The following WDR19 variants were observed in gnomAD, a reference collection of about 807,000 sequenced individuals.
WDR19 encodes the protein WD repeat domain 19.
WDR19 carries 121 observed loss-of-function variants against 180.0 expected under a neutral mutation model. The observed-to-expected ratio is 0.67, with a 90% CI of 0.58 to 0.78. WDR19 has a LOEUF of 0.78. WDR19 is among the 30% of genes least tolerant of loss of function. The pLI is 0.00. For synonymous variants in WDR19, 497 were observed against 540.7 expected, an observed-to-expected ratio of 0.92 and a Z score of 1.12; for missense variants, 1,450 against 1,640.7, an observed-to-expected ratio of 0.88 and a Z score of 2.01.
chr4:39,248,611 T>C (rs1186688188), intron 24 of WDR19, among the ~76,000 whole-genome samples: 1 of 151,968 alleles, frequency 6.6e-6, no homozygotes, highest in East Asian at 1.9e-4. Flanking sequence ...GAGACCCATC[T>C]CACGTGCAGA....
chr4:39,209,130 A>C (rs561870999), intron 9 of WDR19, among the ~76,000 whole-genome samples: 12 of 152,318 alleles, frequency 7.9e-5, no homozygotes, highest in Admixed American at 5.9e-4. Context: ...ACTTCAGCAA[A>C]TTTAAATTGA....
chr4:39,276,926 C>T, intron 33 of WDR19, 94 bp from the exon 34 acceptor site: 1 of 1,500,966 alleles, frequency 6.7e-7, no homozygotes. Context: ...GTAGGTGTGT[C>T]ATATGTCCCT....
At chr4:39,269,805 G>A (rs1008847509) in intron 30 of WDR19, among the ~76,000 whole-genome samples, 171 bp from the exon 31 acceptor site, 2 of 152,040 alleles carry the variant, frequency 1.3e-5, no homozygotes, top group African/African-American at 4.8e-5. Flanking sequence ...CCCTATCTCT[G>A]ACAGACAGAC....
At chr4:39,272,353 A>AT (rs1735455241) in intron 31 of WDR19, among the ~76,000 whole-genome samples, 1 of 152,184 alleles carries the variant, frequency 6.6e-6, no homozygotes, top group East Asian at 1.9e-4. Context: ...GGTTGGCATC[A>AT]TTCCACACTC....
At chr4:39,236,765 G>A (rs1731426568) in intron 20 of WDR19, among the ~76,000 whole-genome samples, 1 of 152,160 alleles carries the variant, frequency 6.6e-6, no homozygotes, top group Non-Finnish European at 1.5e-5. Context: ...ATGAATAGGA[G>A]TCACAAATCT....
At chr4:39,198,933 G>A (rs1232469167) in intron 5 of WDR19, among the ~76,000 whole-genome samples, 3 of 151,826 alleles carry the variant, frequency 2.0e-5, no homozygotes, top group Non-Finnish European at 4.4e-5. Context: ...GGGAGGCAAA[G>A]GTTGCAATGA....
rs180951309 is a variant in WDR19 at position 39,205,831 on chromosome 4, T to C, written c.890+95T>C. 15 of 1,198,292 alleles carry C rather than the reference T, an allele frequency of 1.3e-5. No individual in the cohort carries two copies. The African/African-American group carries it at 1.4e-4, about 11-fold the overall frequency. 74.2% of individuals were successfully genotyped at this position (1,198,292 alleles called of 1,614,324 possible). On this transcript the variant is annotated intron_variant, in intron 9 of 36. Transcript: ENST00000399820. ...TTAGCTAATATGAATCTGGCAATCA[T>C]GTTTACAATTTAAAACGTCTAAGAC...
chr4:39,251,240 C>G (rs367732545), intron 24 of WDR19, among the ~76,000 whole-genome samples: 19 of 151,982 alleles, frequency 1.3e-4, no homozygotes, highest in Admixed American at 2.0e-4. Flanking sequence ...ACAAACCTGA[C>G]AAAAACAAGC....
At chr4:39,191,543 A>G (rs1453823797) in intron 4 of WDR19, among the ~76,000 whole-genome samples, 1 of 152,222 alleles carries the variant, frequency 6.6e-6, no homozygotes, top group Admixed American at 6.5e-5. Context: ...TTTGCTATGT[A>G]TGCATTTATA....
intron 20 of WDR19, among the ~76,000 whole-genome samples, chr4:39,238,204 C>G (rs1731565192): frequency 6.6e-6 from 1 of 152,170 alleles, no homozygotes; most frequent in African/African-American, 2.4e-5. Flanking sequence ...TAGCCACCAG[C>G]TATGACTTTG....
At chr4:39,195,377 A>AC (rs1491039067) in intron 5 of WDR19, among the ~76,000 whole-genome samples, 20 of 131,248 alleles carry the variant, frequency 1.5e-4, no homozygotes, top group African/African-American at 3.8e-4. Flanking sequence ...AAAAAAAAAA[A>AC]ACAAAAAAAC....
At chr4:39,202,211 C>T (rs1727440457) in intron 6 of WDR19, among the ~76,000 whole-genome samples, 1 of 152,146 alleles carries the variant, frequency 6.6e-6, no homozygotes, top group Non-Finnish European at 1.5e-5. Context: ...CTTTTTATCA[C>T]TCTGCAACCT....
chr4:39,187,764 T>C (rs1297030141), intron 3 of WDR19, among the ~76,000 whole-genome samples: 2 of 152,234 alleles, frequency 1.3e-5, no homozygotes, highest in African/African-American at 4.8e-5. Context: ...CTCTGTGACA[T>C]CTATTTCTGT....
intron 4 of WDR19, 31 bp from the exon 5 acceptor site, chr4:39,194,513 T>G: frequency 7.0e-7 from 1 of 1,434,338 alleles, no homozygotes; most frequent in Non-Finnish European, 9.7e-7. Context: ...TGATCGTGAA[T>G]TGTTTAGTAA....
At chr4:39,265,914 C>T (rs1734742098) in intron 28 of WDR19, 149 bp from the exon 29 acceptor site, 2 of 597,650 alleles carry the variant, frequency 3.3e-6, no homozygotes, top group South Asian at 2.6e-5. Context: ...TGAAGAAAGG[C>T]CCTGATCCTA....
Position 39,218,252 on chromosome 4 carries a change from A to T in WDR19, c.1479+147A>T, listed in dbSNP as rs537865195. The T allele has an allele frequency of 5.8e-5, 60 of 1,037,930 alleles. No individual in the cohort carries two copies. In the South Asian group the frequency reaches 9.7e-4, roughly 17 times the overall value. The allele number at this position is 1,037,930 out of a possible 1,614,324, so 64.3% of individuals were successfully genotyped here. ...TATCTGTGATTAATTATATACATTC[A>T]TGTGTCTCTTTGCAGTGGGGATACA... On this transcript the variant is annotated intron_variant, in intron 14 of 36. Coordinates refer to ENST00000399820, the MANE Select transcript of WDR19 (RefSeq NM_025132.4).
intron 1 of WDR19, among the ~76,000 whole-genome samples, chr4:39,182,782 C>T (rs1481902355): frequency 1.3e-5 from 2 of 152,064 alleles, no homozygotes; most frequent in Middle Eastern, 3.2e-3. Context: ...AGAGAGGCCT[C>T]TCGTTTTGGG....
chr4:39,235,185 G>A (rs1244379608), intron 20 of WDR19, among the ~76,000 whole-genome samples: 1 of 151,854 alleles, frequency 6.6e-6, no homozygotes. Context: ...GGAGTGCTGT[G>A]GTATGATCAT....
intron 9 of WDR19, among the ~76,000 whole-genome samples, chr4:39,207,322 T>C (rs1488753846): frequency 6.6e-6 from 1 of 152,166 alleles, no homozygotes; most frequent in Non-Finnish European, 1.5e-5. Flanking sequence ...AGAGACCTAT[T>C]AGACAGTAAC....
Sources: allele counts gnomAD v4.1 joint callset (sites outside exome capture counted in the v4.1 genomes callset), GRCh38; gene constraint gnomAD v4.1.1; transcripts MANE v1.5; gene names NCBI Gene and HGNC (gene_info 2026-07-23, HGNC 2026-07-21).